AGR2: variants seen among roughly 807,000 people sequenced by gnomAD.
AGR2 encodes the protein anterior gradient protein 2 homolog.
In AGR2, 27 loss-of-function variants were observed where a neutral mutation model predicts 25.9. The observed-to-expected ratio is 1.04, with a 90% CI of 0.77 to 1.44. The LOEUF (loss-of-function observed/expected upper bound fraction) is 1.44. Ranked by LOEUF, AGR2 falls within the 40% of genes most tolerant of loss-of-function variation. The pLI, the probability that AGR2 is intolerant of heterozygous loss-of-function variation, is 0.00. For synonymous variants in AGR2, 78 were observed against 72.0 expected (o/e 1.08, Z -0.42); for missense variants, 182 against 200.9 (o/e 0.91, Z 0.57).
At chr7:16,795,945 C>T (rs561866376) in intron 6 of AGR2, among the ~76,000 whole-genome samples, 41 of 152,338 alleles carry the variant, frequency 2.7e-4, no homozygotes, top group African/African-American at 9.1e-4. Flanking sequence ...ACCAACTATA[C>T]TTCTGTTTGG....
chr7:16,800,555 C>A (rs1391777482), intron 4 of AGR2, among the ~76,000 whole-genome samples: 1 of 152,198 alleles, frequency 6.6e-6, no homozygotes, highest in Admixed American at 6.5e-5. Flanking sequence ...GTGATGGAAT[C>A]TGATTTATGT....
Position 16,791,972 on chromosome 7 carries a change from G to A in AGR2, c.*936C>T, listed in dbSNP as rs1784972603. On this transcript the variant is annotated 3_prime_UTR_variant, in exon 8 of 8. Coordinates refer to ENST00000419304, the MANE Select transcript of AGR2 (RefSeq NM_006408.4). ...ATGAATGTGAGATTAAGTATAGAGT[G>A]AAGACATTAACACACAATTCTAATT... 6.6e-6 allele frequency: 1 copy of A among 152,174 alleles called. No individual in the cohort carries two copies. The highest frequency in any genetic ancestry group is 2.4e-5 in the African/African-American group (1 of 41,420). 9.4% of individuals were successfully genotyped at this position (152,174 alleles called of 1,614,324 possible).
intron 1 of AGR2, among the ~76,000 whole-genome samples, chr7:16,803,796 AT>A (rs1282408121): frequency 6.6e-6 from 1 of 152,242 alleles, no homozygotes; most frequent in African/African-American, 2.4e-5. Context: ...TGTTAAAAAA[AT>A]CAAGAACTTT....
chr7:16,797,538 A>T (rs967453243), intron 6 of AGR2, 93 bp downstream of exon 6: 4 of 1,063,812 alleles, frequency 3.8e-6, no homozygotes, highest in Middle Eastern at 2.1e-4. Context: ...GACATTGGCC[A>T]TGGCAACGTG....
intron 1 of AGR2, among the ~76,000 whole-genome samples, chr7:16,804,333 AT>A (rs1389747537): frequency 6.6e-6 from 1 of 151,816 alleles, no homozygotes; most frequent in African/African-American, 2.4e-5. Flanking sequence ...TCATCACCGT[AT>A]CCCTGTCTTC....
At position 16,792,737 on chromosome 7, in the gene AGR2, T is replaced by C. The variant is rs940544512; in HGVS notation, c.*171A>G. On this transcript the variant is annotated 3_prime_UTR_variant, in exon 8 of 8. Coordinates refer to ENST00000419304, the MANE Select transcript of AGR2 (RefSeq NM_006408.4). ...CAATATTGTTTTCACACATGTACACTTGAAACCAAATTTCTAAAACTTGTT... is the reference window on the plus strand; with the variant it reads ...CAATATTGTTTTCACACATGTACACCTGAAACCAAATTTCTAAAACTTGTT... 1 of 656,470 alleles carries C rather than the reference T, an allele frequency of 1.5e-6. No homozygotes were observed. The highest frequency in any genetic ancestry group is 2.7e-5 in the East Asian group (1 of 36,646). 40.7% of individuals were successfully genotyped at this position (656,470 alleles called of 1,614,324 possible).
At chr7:16,796,393 G>C (rs1032677760) in intron 6 of AGR2, among the ~76,000 whole-genome samples, 1 of 152,148 alleles carries the variant, frequency 6.6e-6, no homozygotes, top group African/African-American at 2.4e-5. Flanking sequence ...TAAAATTAGT[G>C]CTTTAGTTCA....
chr7:16,802,173 C>T (rs1440189716), intron 1 of AGR2, among the ~76,000 whole-genome samples: 2 of 152,004 alleles, frequency 1.3e-5, no homozygotes, highest in East Asian at 3.8e-4. Flanking sequence ...CCAAATTCAC[C>T]TAACTTTTAT....
rs1177956256 is a variant in AGR2, at chr7:16,801,738, G to C, written c.59C>G (p.Ala20Gly). ...LLLVALSYTL[A>G]RDTTVKPGAK... ...TCCAGGTTTGACTGTGGTATCTCTGGCCAGAGTGTAGGAGAGGGCCACAAG... is the reference window on the plus strand; with the variant it reads ...TCCAGGTTTGACTGTGGTATCTCTGCCCAGAGTGTAGGAGAGGGCCACAAG... Residue 20 changes from alanine (A) to glycine (G), a missense_variant, in exon 2 of 8, where the codon GCC becomes GGC. By Grantham distance (60) the Ala-to-Gly change is moderately conservative (BLOSUM62 0). Coordinates refer to ENST00000419304, the MANE Select transcript of AGR2 (RefSeq NM_006408.4). The C allele has an allele frequency of 6.2e-7, 1 of 1,613,464 alleles. No individual in the cohort carries two copies. Among genetic ancestry groups the C allele is most frequent in the Non-Finnish European group, 8.5e-7 (1 of 1,179,896 alleles).
At chr7:16,804,365 A>C (rs1785199509) in intron 1 of AGR2, among the ~76,000 whole-genome samples, 1 of 151,976 alleles carries the variant, frequency 6.6e-6, no homozygotes, top group African/African-American at 2.4e-5. Context: ...CAAATAATGA[A>C]CTTGCAAGAC....
intron 6 of AGR2, 40 bp from the exon 7 acceptor site, chr7:16,795,059 GT>G: frequency 6.2e-7 from 1 of 1,607,156 alleles, no homozygotes; most frequent in South Asian, 1.1e-5. Context: ...GGAATGGTTT[GT>G]TTTCAAACAA....
Position 16,792,966 on chromosome 7 carries a change from G to C in AGR2, c.479-9C>G. 6.2e-7 allele frequency: 1 copy of C among 1,613,556 alleles called. No individual in the cohort carries two copies. Among genetic ancestry groups the C allele is most frequent in the Non-Finnish European group, 8.5e-7 (1 of 1,179,574 alleles). On this transcript the variant is annotated splice_polypyrimidine_tract_variant and intron_variant, in intron 7 of 7. Transcript: ENST00000419304. The stretch of plus-strand genomic sequence containing the variant: ...CTTCATGTTGTCAAGCACTAATGGG[G>C]GATAAAAGCAGGAGAGTCAAGACAC...
At position 16,801,332 on chromosome 7, in the gene AGR2, T is replaced by G. The variant is rs764593052; in HGVS notation, c.191A>C (p.Lys64Thr). The stretch of plus-strand genomic sequence containing the variant: ...TCCTGATCTTTACCTTGTCTTGGAT[T>G]TATATAGAGCTTCTTCATATGTCTG... ...WTQTYEEALY[K>T]SKTSNKPLMI... The change falls in exon 3 of 8, where the codon AAA becomes ACA. Residue 64 changes from lysine (K) to threonine (T), a missense_variant. By Grantham distance (78) the Lys-to-Thr change is moderately conservative. Coordinates refer to ENST00000419304, the MANE Select transcript of AGR2 (RefSeq NM_006408.4). 7 of 1,613,828 alleles carry G rather than the reference T, an allele frequency of 4.3e-6. No homozygotes were observed. The highest frequency in any genetic ancestry group is 5.9e-6 in the Non-Finnish European group (7 of 1,179,844).
rs1257440028 is a variant in AGR2 at position 16,801,616 on chromosome 7, A to G, written c.139+42T>C. 2.5e-6 allele frequency: 4 copies of G among 1,613,058 alleles called. No individual in the cohort carries two copies. In the Admixed American group the frequency reaches 6.7e-5, roughly 27 times the overall value. The stretch of plus-strand genomic sequence containing the variant: ...CACCAAGAGAGAGGAAATCTTTTCC[A>G]ATTAAGTAGCAGTTGGAAGCCAACA... On this transcript the variant is annotated intron_variant, in intron 2 of 7. Coordinates refer to ENST00000419304, the MANE Select transcript of AGR2 (RefSeq NM_006408.4).
At chr7:16,795,055 G>T in intron 6 of AGR2, 36 bp from the exon 7 acceptor site, 1 of 1,610,102 alleles carries the variant, frequency 6.2e-7, no homozygotes, top group African/African-American at 1.3e-5. Context: ...GAATGGAATG[G>T]TTTGTTTTCA....
chr7:16,798,840 G>A (rs1430865392), intron 5 of AGR2, among the ~76,000 whole-genome samples: 3 of 152,170 alleles, frequency 2.0e-5, no homozygotes, highest in South Asian at 2.1e-4. Flanking sequence ...AGAAAGAAGA[G>A]CTATTGGAAA....
chr7:16,801,355 CTG>C lies in AGR2; in HGVS notation c.166_167del (p.Gln56AspfsTer3), dbSNP rs1487830933. 1.2e-5 allele frequency: 20 copies of C among 1,613,662 alleles called. No homozygotes were observed. The highest frequency in any genetic ancestry group is 1.7e-5 in the Non-Finnish European group (20 of 1,179,818). ...RGWGDQLIWT[Q>X]TYEEALYKSK... Reference sequence around the variant, plus strand: ...ATTTATATAGAGCTTCTTCATATGTCTGAGTCCAGATGAGTTGGTCACCCCAA... The same window carrying C: ...ATTTATATAGAGCTTCTTCATATGTCAGTCCAGATGAGTTGGTCACCCCAA... On this transcript the variant is annotated frameshift_variant, in exon 3 of 8. Coordinates refer to ENST00000419304, the MANE Select transcript of AGR2 (RefSeq NM_006408.4). LOFTEE classifies it high-confidence loss of function.
intron 1 of AGR2, chr7:16,803,068 C>G (rs963890550): frequency 1.1e-4 from 17 of 152,236 alleles, no homozygotes; most frequent in African/African-American, 3.6e-4. Context: ...CTCCTGACCT[C>G]AAGTGATCCT....
chr7:16,801,145 A>T lies in AGR2; in HGVS notation c.256+6T>A, dbSNP rs1055788815. On this transcript the variant is annotated splice_donor_region_variant and intron_variant, in intron 4 of 7. Coordinates refer to ENST00000419304, the MANE Select transcript of AGR2 (RefSeq NM_006408.4). ...AAAGGAAATCATACTTAGAAGAATA[A>T]ATTACCTTGACTGTGTGGGCACTCA... The T allele has an allele frequency of 6.2e-7, 1 of 1,612,240 alleles. No individual in the cohort carries two copies. The highest frequency in any genetic ancestry group is 1.3e-5 in the African/African-American group (1 of 74,864).
Sources: gnomAD v4.1 joint callset for allele counts (sites outside exome capture counted in the v4.1 genomes callset) on GRCh38, gnomAD v4.1.1 for gene constraint, MANE v1.5 for transcripts, NCBI Gene and HGNC (gene_info 2026-07-23, HGNC 2026-07-21) for gene names.